The following DCDC2B variants were observed in gnomAD, a reference collection of about 807,000 sequenced individuals.
The protein encoded by DCDC2B is doublecortin domain-containing protein 2B.
A neutral mutation model predicts 38.9 loss-of-function variants in DCDC2B; 41 were observed. The observed-to-expected ratio is 1.05, with a 90% CI of 0.82 to 1.37. The LOEUF is 1.37. DCDC2B is among the 40% of genes most tolerant of loss of function. DCDC2B has a pLI of 0.00. For missense variants in DCDC2B, 453 were observed against 427.2 expected, an observed-to-expected ratio of 1.06 and a Z score of -0.53; for synonymous variants, 181 against 171.9, an observed-to-expected ratio of 1.05 and a Z score of -0.41.
In DCDC2B at chr1:32,209,327, G is replaced by C. The variant is rs374348561; in HGVS notation, c.234G>C (p.Val78=). 6.8e-6 allele frequency: 11 copies of C among 1,613,964 alleles called. No homozygotes were observed. Among genetic ancestry groups the C allele is most frequent in the Non-Finnish European group, 6.8e-6 (8 of 1,179,874 alleles). ...ACTTGAAGAACAGAGGGCAGTATGTGGCCGCTGGATTTGAACGATTCCACA... is the reference window on the plus strand; with the variant it reads ...ACTTGAAGAACAGAGGGCAGTATGTCGCCGCTGGATTTGAACGATTCCACA... ...LADLKNRGQY[V]AAGFERFHKL... Residue 78 remains valine (V), a synonymous_variant, in exon 1 of 9, where the codon GTG becomes GTC. Coordinates refer to ENST00000409358, the MANE Select transcript of DCDC2B (RefSeq NM_001099434.2).
chr1:32,210,347 A>T (rs1378249516), intron 1 of DCDC2B, among the ~76,000 whole-genome samples: 1 of 150,670 alleles, frequency 6.6e-6, no homozygotes, highest in Non-Finnish European at 1.5e-5. Flanking sequence ...AAAAAAAAAA[A>T]ATCAGCCAGG....
intron 6 of DCDC2B, chr1:32,214,490 A>G (rs1295984521): frequency 2.8e-6 from 1 of 355,946 alleles, no homozygotes; most frequent in East Asian, 5.6e-5. Flanking sequence ...AAGGGAACTT[A>G]TATTATCCAG....
intron 4 of DCDC2B, 96 bp downstream of exon 4, chr1:32,212,297 T>A (rs967312481): frequency 1.3e-6 from 2 of 1,568,126 alleles, no homozygotes; most frequent in African/African-American, 2.7e-5. Flanking sequence ...AAGGAAAGCA[T>A]GTTCCCCCAC....
rs1163568891 is a variant in DCDC2B at position 32,215,460 on chromosome 1, G to A, written c.871G>A (p.Ala291Thr). 9.9e-6 allele frequency: 16 copies of A among 1,613,000 alleles called. No homozygotes were observed. Among genetic ancestry groups the A allele is most frequent in the Non-Finnish European group, 1.0e-5 (12 of 1,179,728 alleles). The change falls in exon 8 of 9, where the codon GCT (alanine) becomes ACT (threonine). Residue 291 changes from alanine to threonine, a missense_variant. By Grantham distance (58) the Ala-to-Thr change is moderately conservative. Transcript: ENST00000409358. ...FPSGVIGVYG[A>T]PHRRKETAGA... ...TTTAGGAGTTATAGGAGTATATGGA[G>A]CTCCCCACCGAAGGAAGGAGACAGC...
At position 32,212,134 on chromosome 1, in the gene DCDC2B, CAGGACTGGGAAACTGTGTTG is replaced by C. The variant is rs1169099701; in HGVS notation, c.462_481del (p.Asp155AlafsTer4). The C allele has an allele frequency of 6.2e-7, 1 of 1,613,890 alleles. No individual in the cohort carries two copies. Among genetic ancestry groups the C allele is most frequent in the South Asian group, 1.1e-5 (1 of 91,072 alleles). On this transcript the variant is annotated frameshift_variant, in exon 4 of 9. Transcript: ENST00000409358. LOFTEE classifies it high-confidence loss of function. Reference sequence around the variant, plus strand: ...TCTGAAGCTGTCCCAGGCTGCCAGCCAGGACTGGGAAACTGTGTTGAAGCTCCTGACTGAGAAGGTCAAGT... The same window carrying C: ...TCTGAAGCTGTCCCAGGCTGCCAGCCAAGCTCCTGACTGAGAAGGTCAAGT...
intron 3 of DCDC2B, 79 bp downstream of exon 3, chr1:32,211,916 G>A: frequency 6.5e-7 from 1 of 1,548,108 alleles, no homozygotes; most frequent in Non-Finnish European, 8.8e-7. Flanking sequence ...GTTTGTTCTA[G>A]GAGCCTCTGG....
At position 32,212,547 on chromosome 1, in the gene DCDC2B, T is replaced by A; in HGVS notation, c.585T>A (p.His195Gln). Reference sequence around the variant, plus strand: ...CAGGGAAGGAGCTGGTAACTGGCCATTACTATGTGGCTGTCGGAGAGGATG... The same window carrying A: ...CAGGGAAGGAGCTGGTAACTGGCCAATACTATGTGGCTGTCGGAGAGGATG... Reference protein sequence around the residue: ...LSAGKELVTGHYYVAVGEDEF... With the variant: ...LSAGKELVTGQYYVAVGEDEF... Residue 195 changes from histidine to glutamine, a missense_variant, in exon 5 of 9, where the codon CAT becomes CAA. His to Gln is a conservative substitution (Grantham distance 24). Coordinates refer to ENST00000409358, the MANE Select transcript of DCDC2B (RefSeq NM_001099434.2). The A allele has an allele frequency of 6.2e-7, 1 of 1,614,004 alleles. No homozygotes were observed. The highest frequency in any genetic ancestry group is 8.5e-7 in the Non-Finnish European group (1 of 1,179,884).
chr1:32,209,753 A>G (rs376341756), intron 1 of DCDC2B, among the ~76,000 whole-genome samples: 8 of 152,144 alleles, frequency 5.3e-5, no homozygotes, highest in African/African-American at 1.9e-4. Flanking sequence ...CTCTCCCGTT[A>G]GGCTAGGGCC....
rs373482876 is a variant in DCDC2B at position 32,209,405 on chromosome 1, G to C, written c.266+46G>C. The C allele has an allele frequency of 1.5e-4, 242 of 1,601,756 alleles. 1 individual carries two copies. In the Middle Eastern group the frequency reaches 5.5e-3, roughly 36 times the overall value. On this transcript the variant is annotated intron_variant, in intron 1 of 8. Transcript: ENST00000409358. ...CAAACAGCCTAGCAAGGGAGGTAACGGCAAGAGCGTGTATTCAGTACCTAC... is the reference window on the plus strand; with the variant it reads ...CAAACAGCCTAGCAAGGGAGGTAACCGCAAGAGCGTGTATTCAGTACCTAC...
chr1:32,212,626 A>G lies in DCDC2B; in HGVS notation c.664A>G (p.Arg222Gly). 6.2e-7 allele frequency: 1 copy of G among 1,613,966 alleles called. No homozygotes were observed. Among genetic ancestry groups the G allele is most frequent in the South Asian group, 1.1e-5 (1 of 91,082 alleles). Reference sequence around the variant, plus strand: ...GCTGGTGCCCAGCCCCTCCCTGCCCAGGGGCTGCTGGTATGTATGTGGGAG... The same window carrying G: ...GCTGGTGCCCAGCCCCTCCCTGCCCGGGGGCTGCTGGTATGTATGTGGGAG... ...ELLVPSPSLPRGCWQPPGSKS... is the reference protein window; with the variant it reads ...ELLVPSPSLPGGCWQPPGSKS... Residue 222 changes from arginine (R) to glycine (G), a missense_variant, in exon 5 of 9, where the codon AGG becomes GGG. Coordinates refer to ENST00000409358, the MANE Select transcript of DCDC2B (RefSeq NM_001099434.2).
chr1:32,211,421 C>G, intron 2 of DCDC2B, 98 bp downstream of exon 2: 2 of 1,284,658 alleles, frequency 1.6e-6, no homozygotes, highest in African/African-American at 2.9e-5. Context: ...GCAGCAGGAT[C>G]TGCCAGTTCC....
rs1334868413 is a variant in DCDC2B, at chr1:32,216,084, A to G, written c.*187A>G. On this transcript the variant is annotated 3_prime_UTR_variant, in exon 9 of 9. Transcript: ENST00000409358. Reference sequence around the variant, plus strand: ...CCCAGCCTTCCCTTCCTCTGAGCAGAGCAGCCCTGGCTGTGGGGGCTATTT... The same window carrying G: ...CCCAGCCTTCCCTTCCTCTGAGCAGGGCAGCCCTGGCTGTGGGGGCTATTT... The G allele has an allele frequency of 2.9e-6, 2 of 693,376 alleles. No homozygotes were observed. Among genetic ancestry groups the G allele is most frequent in the African/African-American group, 1.8e-5 (1 of 55,332 alleles). The allele number at this position is 693,376 out of a possible 1,614,324, so 43.0% of individuals were successfully genotyped here. A position where few individuals can be genotyped will look rare whatever the true frequency, so the allele number is the denominator to read the frequency against.
At position 32,214,170 on chromosome 1, in the gene DCDC2B, G is replaced by A. The variant is rs181111881; in HGVS notation, c.715-627G>A. On this transcript the variant is annotated intron_variant, in intron 6 of 8. Coordinates refer to ENST00000409358, the MANE Select transcript of DCDC2B (RefSeq NM_001099434.2). ...ACTAAAAGTACAAAAAAATTAGCTG[G>A]GCATGGTGGTGGGTGCTTGTAGTCC... 3.2e-4 allele frequency among the ~76,000 whole-genome samples: 48 copies of A among 151,960 alleles called. No individual in the cohort carries two copies. The East Asian group carries it at 4.5e-3, about 14-fold the overall frequency.
chr1:32,212,358 G>A, intron 4 of DCDC2B, 132 bp from the exon 5 acceptor site: 1 of 1,519,740 alleles, frequency 6.6e-7, no homozygotes, highest in African/African-American at 1.4e-5. Context: ...CCAGCCCTCA[G>A]AGGCAGGGTA....
intron 8 of DCDC2B, 80 bp from the exon 9 acceptor site, chr1:32,215,722 G>T (rs976859209): frequency 8.0e-7 from 1 of 1,250,696 alleles, no homozygotes; most frequent in African/African-American, 1.5e-5. Context: ...TCCTTCCTTG[G>T]GGTTGGGGAC....
Position 32,213,475 on chromosome 1 carries a change from T to G in DCDC2B, c.714+682T>G, listed in dbSNP as rs537599836. ...CCTCAGCCTCCCGAGTAGCTGGGATTACAGGTATGTGCCACCACACCCGGC... is the reference window on the plus strand; with the variant it reads ...CCTCAGCCTCCCGAGTAGCTGGGATGACAGGTATGTGCCACCACACCCGGC... On this transcript the variant is annotated intron_variant, in intron 6 of 8. Coordinates refer to ENST00000409358, the MANE Select transcript of DCDC2B (RefSeq NM_001099434.2). Among the ~76,000 whole-genome samples, 3 of 151,358 alleles carry G rather than the reference T, an allele frequency of 2.0e-5. No homozygotes were observed. The East Asian group carries it at 5.8e-4, about 29-fold the overall frequency.
rs765040861 is a variant in DCDC2B, at chr1:32,211,266, T to C, written c.267-6T>C. The C allele has an allele frequency of 1.9e-6, 3 of 1,613,642 alleles. No individual in the cohort carries two copies. The South Asian group carries it at 3.3e-5, about 18-fold the overall frequency. On this transcript the variant is annotated splice_polypyrimidine_tract_variant and splice_region_variant and intron_variant, in intron 1 of 8. Transcript: ENST00000409358. ...AAGATGACCTGTGATCTATCTGTCC[T>C]TTCAGCTATTTACCCCATAGAGGGA...
chr1:32,214,727 C>A, intron 6 of DCDC2B, 70 bp from the exon 7 acceptor site: 1 of 1,592,942 alleles, frequency 6.3e-7, no homozygotes, highest in Non-Finnish European at 8.6e-7. Flanking sequence ...CTCTCTGAAG[C>A]CTGAACTGGG....
chr1:32,215,079 CTG>C, intron 7 of DCDC2B, 147 bp downstream of exon 7: 1 of 1,163,198 alleles, frequency 8.6e-7, no homozygotes, highest in Non-Finnish European at 1.2e-6. Flanking sequence ...ATAAAGGAGT[CTG>C]AACCTACTGT....
Sources: gnomAD v4.1 joint callset for allele counts (sites outside exome capture counted in the v4.1 genomes callset) on GRCh38, gnomAD v4.1.1 for gene constraint, MANE v1.5 for transcripts, NCBI Gene and HGNC (gene_info 2026-07-23, HGNC 2026-07-21) for gene names.